SNX25: variants seen among roughly 807,000 people sequenced by gnomAD.
SNX25 encodes the protein sorting nexin 25, also known as sorting nexin-25.
In SNX25, 62 loss-of-function variants were observed where a neutral mutation model predicts 113.7. That is an observed-to-expected ratio of 0.55 (90% CI 0.44 to 0.67). SNX25 has a LOEUF of 0.67. Ranked by LOEUF, SNX25 falls within the 30% of genes least tolerant of loss-of-function variation. The pLI is 0.00. For missense variants in SNX25, 1,014 were observed against 1,161.0 expected, an observed-to-expected ratio of 0.87 and a Z score of 1.84; for synonymous variants, 421 against 436.2, an observed-to-expected ratio of 0.97 and a Z score of 0.43.
At position 185,362,705 on chromosome 4, in the gene SNX25, G is replaced by T; in HGVS notation, c.2928G>T (p.Leu976=). ...ALQETRANKH[L]LYALMELLLI... Reference sequence around the variant, plus strand: ...AAGAAACAAGAGCCAACAAGCATCTGTTATATGTGAGTAAATTAAAGCCCA... The same window carrying T: ...AAGAAACAAGAGCCAACAAGCATCTTTTATATGTGAGTAAATTAAAGCCCA... Residue 976 remains leucine, a synonymous_variant, in exon 18 of 19, where the codon CTG becomes CTT. Coordinates refer to ENST00000652585, the MANE Select transcript of SNX25 (RefSeq NM_001378034.2). 6.2e-7 allele frequency: 1 copy of T among 1,612,432 alleles called. No homozygotes were observed.
chr4:185,239,850 G>A (rs968349634), intron 1 of SNX25, among the ~76,000 whole-genome samples: 4 of 147,576 alleles, frequency 2.7e-5, no homozygotes, highest in African/African-American at 9.9e-5. Context: ...GGACAATAGT[G>A]GAGGGAAGGT....
chr4:185,244,069 G>A (rs1744478715), intron 1 of SNX25, among the ~76,000 whole-genome samples: 1 of 152,016 alleles, frequency 6.6e-6, no homozygotes, highest in South Asian at 2.1e-4. Context: ...GCAGTCCTGG[G>A]TCACCGCAGC....
intron 8 of SNX25, 144 bp from the exon 9 acceptor site, chr4:185,323,384 C>T: frequency 2.9e-6 from 2 of 688,540 alleles, no homozygotes; most frequent in South Asian, 4.1e-5. Context: ...TGCTCCTTGA[C>T]CCTGAATATG....
chr4:185,274,223 G>A (rs1325312953), intron 5 of SNX25, among the ~76,000 whole-genome samples: 1 of 152,054 alleles, frequency 6.6e-6, no homozygotes, highest in Non-Finnish European at 1.5e-5. Flanking sequence ...ACCACGCCTG[G>A]CTAATTTTTG....
chr4:185,320,684 A>G (rs377491173), intron 7 of SNX25, 49 bp from the exon 8 acceptor site: 9 of 1,360,068 alleles, frequency 6.6e-6, no homozygotes, highest in Non-Finnish European at 7.8e-6. Flanking sequence ...AAGCAAACTG[A>G]CATTTAAAAT....
chr4:185,335,813 T>C (rs2095226438), intron 10 of SNX25, among the ~76,000 whole-genome samples: 2 of 152,214 alleles, frequency 1.3e-5, no homozygotes, highest in South Asian at 2.1e-4. Context: ...GAAGAATCAG[T>C]GTAACATAGA....
intron 6 of SNX25, among the ~76,000 whole-genome samples, chr4:185,305,505 T>C (rs1336266329): frequency 1.3e-5 from 2 of 152,242 alleles, no homozygotes; most frequent in Non-Finnish European, 2.9e-5. Flanking sequence ...TACTTTGCTC[T>C]CTGCTGCCTC....
upstream of SNX25, among the ~76,000 whole-genome samples, chr4:185,206,114 A>G (rs1737177334): frequency 1.3e-5 from 2 of 152,224 alleles, no homozygotes; most frequent in Non-Finnish European, 2.9e-5. Context: ...GTTCTGAAAA[A>G]CTTGAACATA....
intron 3 of SNX25, among the ~76,000 whole-genome samples, chr4:185,263,034 A>G (rs1307441248): frequency 6.6e-6 from 1 of 152,234 alleles, no homozygotes; most frequent in Non-Finnish European, 1.5e-5. Context: ...CCATAGATCA[A>G]GCTGCTTTGG....
At chr4:185,330,905 G>C (rs1347926671) in intron 9 of SNX25, among the ~76,000 whole-genome samples, 2 of 151,966 alleles carry the variant, frequency 1.3e-5, no homozygotes, top group African/African-American at 4.8e-5. Context: ...TTGTATCTAT[G>C]TTATCTCTGT....
intron 1 of SNX25, among the ~76,000 whole-genome samples, chr4:185,224,518 A>G (rs866384009): frequency 6.0e-4 from 69 of 115,268 alleles, no homozygotes; most frequent in African/African-American, 1.5e-3. Flanking sequence ...TAGATATATA[A>G]ATATATATAC....
intron 3 of SNX25, 135 bp downstream of exon 3, chr4:185,259,199 G>C (rs1275751335): frequency 9.5e-6 from 7 of 740,244 alleles, no homozygotes; most frequent in Non-Finnish European, 1.3e-5. Context: ...TTTATTAAGG[G>C]GGAATAATTA....
At chr4:185,352,217 T>G (rs1431094282) in intron 14 of SNX25, among the ~76,000 whole-genome samples, 1 of 152,196 alleles carries the variant, frequency 6.6e-6, no homozygotes, top group Non-Finnish European at 1.5e-5. Context: ...GAGTAGGCTG[T>G]GCACTCCTGT....
chr4:185,341,842 ATAT>A, intron 11 of SNX25, 131 bp from the exon 12 acceptor site: 3 of 827,362 alleles, frequency 3.6e-6, no homozygotes, highest in Non-Finnish European at 5.2e-6. Flanking sequence ...AAAATCTATA[ATAT>A]TCACAGTTCC....
chr4:185,217,700 A>G, intron 1 of SNX25, among the ~76,000 whole-genome samples: 1 of 152,182 alleles, frequency 6.6e-6, no homozygotes, highest in East Asian at 1.9e-4. Flanking sequence ...GGGGATAGGA[A>G]GTGCCCTAGA....
intron 1 of SNX25, among the ~76,000 whole-genome samples, chr4:185,228,277 A>G (rs1047886413): frequency 2.2e-4 from 33 of 152,092 alleles, no homozygotes; most frequent in Admixed American, 1.6e-3. Flanking sequence ...AAGATGGAAA[A>G]GTAGAGAGGA....
In SNX25 at chr4:185,342,031, A is replaced by G; in HGVS notation, c.2102A>G (p.Gln701Arg). The change falls in exon 12 of 19, where the codon CAA (glutamine) becomes CGA (arginine). Residue 701 changes from glutamine to arginine, a missense_variant. Physicochemically the swap from Gln to Arg is conservative, Grantham distance 43. Coordinates refer to ENST00000652585, the MANE Select transcript of SNX25 (RefSeq NM_001378034.2). Reference sequence around the variant, plus strand: ...TGTTACTTTGTCATGGTAAGCCTACAAGAAGTTGGAGGAGTTGAAACTAAG... The same window carrying G: ...TGTTACTTTGTCATGGTAAGCCTACGAGAAGTTGGAGGAGTTGAAACTAAG... ...LPCYFVMVSL[Q>R]EVGGVETKNW... 6.2e-7 allele frequency: 1 copy of G among 1,611,874 alleles called. No homozygotes were observed. Among genetic ancestry groups the G allele is most frequent in the Non-Finnish European group, 8.5e-7 (1 of 1,179,132 alleles).
intron 6 of SNX25, among the ~76,000 whole-genome samples, chr4:185,306,005 T>A (rs910401495): frequency 6.6e-6 from 1 of 152,216 alleles, no homozygotes; most frequent in Non-Finnish European, 1.5e-5. Flanking sequence ...GTTGTGTGAT[T>A]AACCCAGTTT....
At chr4:185,368,665 A>G (rs553364737), downstream of SNX25, among the ~76,000 whole-genome samples, 1 of 152,306 alleles carries the variant, frequency 6.6e-6, no homozygotes, top group South Asian at 2.1e-4. Context: ...ATAATGTACA[A>G]TGGCCTAAAC....
Sources: gnomAD v4.1 joint callset for allele counts (sites outside exome capture counted in the v4.1 genomes callset) on GRCh38, gnomAD v4.1.1 for gene constraint, MANE v1.5 for transcripts, NCBI Gene and HGNC (gene_info 2026-07-23, HGNC 2026-07-21) for gene names.